The following KLHL13 variants were observed in gnomAD, a reference collection of about 807,000 sequenced individuals.
The protein encoded by KLHL13 is kelch-like protein 13.
KLHL13 carries 10 observed loss-of-function variants against 37.1 expected under a neutral mutation model. The observed-to-expected ratio is 0.27, with a 90% CI of 0.17 to 0.46. The LOEUF is 0.46. Among genes scored for constraint, KLHL13 ranks in the 20% least tolerant of loss-of-function variants. The pLI, the probability that KLHL13 is intolerant of heterozygous loss-of-function variation, is 1.00. For synonymous variants in KLHL13, 163 were observed against 181.2 expected, an observed-to-expected ratio of 0.90 and a Z score of 0.81; for missense variants, 360 against 509.3, an observed-to-expected ratio of 0.71 and a Z score of 2.82.
At chrX:117,920,457 TG>T (rs1167958802) in intron 2 of KLHL13, 87 bp from the exon 4 acceptor site, 1 of 928,997 alleles carries the variant, frequency 1.1e-6, no homozygotes, top group South Asian at 2.2e-5. Context: ...AATATTAATG[TG>T]GTGCAACATA....
chrX:118,096,255 C>T (rs2055204861), intron 1 of KLHL13, among the ~76,000 whole-genome samples: 2 of 111,202 alleles, frequency 1.8e-5, no homozygotes, highest in African/African-American at 3.3e-5. Context: ...GTATCACCAC[C>T]GATCCCACAG....
chrX:118,072,158 C>A (rs1309463002), intron 1 of KLHL13, among the ~76,000 whole-genome samples: 1 of 109,432 alleles, frequency 9.1e-6, no homozygotes, highest in African/African-American at 3.3e-5. Flanking sequence ...CACAACAGAG[C>A]CCTCAGAAAT....
At chrX:117,930,262 A>C (rs183695949) in intron 2 of KLHL13, among the ~76,000 whole-genome samples, 36 of 89,989 alleles carry the variant, frequency 4.0e-4, no homozygotes, top group African/African-American at 9.0e-4. Flanking sequence ...GGAAGGAAGG[A>C]AGGAAGGAAG....
intron 1 of KLHL13, among the ~76,000 whole-genome samples, chrX:117,994,136 G>A (rs1018407114): frequency 1.8e-5 from 2 of 111,860 alleles, no homozygotes; most frequent in African/African-American, 6.5e-5. Flanking sequence ...CATCAACCAC[G>A]AATGCCAATA....
chrX:118,078,542 G>A (rs2054953107), intron 1 of KLHL13, among the ~76,000 whole-genome samples: 1 of 111,239 alleles, frequency 9.0e-6, no homozygotes, highest in Non-Finnish European at 1.9e-5. Flanking sequence ...TCTTTTAGTT[G>A]ATTAGCATTA....
intron 1 of KLHL13, among the ~76,000 whole-genome samples, chrX:118,094,320 C>T (rs2055175162): frequency 9.1e-6 from 1 of 110,417 alleles, no homozygotes; most frequent in African/African-American, 3.3e-5. Context: ...TGAAATGAAG[C>T]AAGAAGAGAA....
intron 1 of KLHL13, among the ~76,000 whole-genome samples, chrX:117,985,931 T>A (rs2053720669): frequency 9.0e-6 from 1 of 111,075 alleles, no homozygotes; most frequent in African/African-American, 3.3e-5. Flanking sequence ...AATTTGTCAA[T>A]CCCATTCCAT....
At chrX:118,089,620 G>GAAAGAAGAA (rs773944967) in intron 1 of KLHL13, among the ~76,000 whole-genome samples, 1 of 71,907 alleles carries the variant, frequency 1.4e-5, no homozygotes, top group African/African-American at 5.8e-5. Context: ...GAGAAAGAAA[G>GAAAGAAGAA]AGAAAGAAAG....
chrX:117,958,932 C>T (rs1327499813), intron 1 of KLHL13, among the ~76,000 whole-genome samples: 1 of 111,613 alleles, frequency 9.0e-6, no homozygotes, highest in Admixed American at 9.6e-5. Context: ...ACTTTCCTTA[C>T]TATTATTTTA....
Position 117,989,335 on chromosome X carries a change from G to A in KLHL13, c.-55-43760C>T, listed in dbSNP as rs192680133. ...ATGCCTTGGCTCAAGTGACATAGCC[G>A]CTGAGAGAAGTGGAAAACAATAAGC... is the stretch of plus-strand genomic sequence containing the variant. On this transcript the variant is annotated intron_variant, in intron 1 of 6. Coordinates refer to the KLHL13 transcript ENST00000371882. 5.4e-5 allele frequency among the ~76,000 whole-genome samples: 6 copies of A among 110,727 alleles called. No individual in the cohort carries two copies. In the East Asian group the frequency reaches 1.1e-3, roughly 21 times the overall value.
At chrX:117,945,487 C>G (rs1569422620) in exon 2 of KLHL13, 1 of 1,207,282 alleles carries the variant, frequency 8.3e-7, no homozygotes, top group South Asian at 1.8e-5. Flanking sequence ...GTAGGTCCTG[C>G]CTTGGAAGAC....
intron 1 of KLHL13, among the ~76,000 whole-genome samples, chrX:118,032,809 T>C (rs1362594087): frequency 9.0e-6 from 1 of 111,361 alleles, no homozygotes; most frequent in Non-Finnish European, 1.9e-5. Context: ...AGGGAGGAAA[T>C]TCAAACCAAA....
At chrX:117,912,768 G>A (rs1246668973) in intron 4 of KLHL13, among the ~76,000 whole-genome samples, 1 of 111,051 alleles carries the variant, frequency 9.0e-6, no homozygotes, top group Non-Finnish European at 1.9e-5. Flanking sequence ...ATTTTTGTAG[G>A]CACATAGTTG....
At chrX:118,016,070 ATT>A (rs896636430) in intron 1 of KLHL13, among the ~76,000 whole-genome samples, 3 of 112,156 alleles carry the variant, frequency 2.7e-5, no homozygotes, top group East Asian at 2.8e-4. Flanking sequence ...ACCTTGTTAA[ATT>A]TGTTTTATAT....
In KLHL13 at chrX:118,029,078, G is replaced by C. The variant is rs142125247; in HGVS notation, c.-55-83503C>G. Among the ~76,000 whole-genome samples the C allele has an allele frequency of 9.2e-3, 1,030 of 111,409 alleles. 17 individuals carry two copies. The highest frequency in any genetic ancestry group is 0.031 in the African/African-American group (953 of 30,645). On this transcript the variant is annotated intron_variant, in intron 1 of 6. Coordinates refer to the KLHL13 transcript ENST00000371882. ...CTCTCCACGTTTTCAGGCATCCACT[G>C]GGGGTCTTGGAACATACCACCTGCA...
At chrX:118,075,495 G>A (rs2054920155) in intron 1 of KLHL13, among the ~76,000 whole-genome samples, 1 of 111,622 alleles carries the variant, frequency 9.0e-6, no homozygotes, top group Admixed American at 9.6e-5. Flanking sequence ...TAAGAAAAAA[G>A]AGAGAGGAAG....
intron 1 of KLHL13, among the ~76,000 whole-genome samples, chrX:118,103,757 T>C (rs1434393979): frequency 9.0e-6 from 1 of 110,755 alleles, no homozygotes; most frequent in Non-Finnish European, 1.9e-5. Context: ...ACAGAGATAT[T>C]TGGTTTGGTA....
At chrX:118,033,741 T>C (rs1481146664) in intron 1 of KLHL13, among the ~76,000 whole-genome samples, 1 of 109,619 alleles carries the variant, frequency 9.1e-6, no homozygotes, top group African/African-American at 3.3e-5. Flanking sequence ...CACATAACAA[T>C]ATTAACCTTA....
intron 1 of KLHL13, among the ~76,000 whole-genome samples, chrX:117,964,730 A>C (rs1177974676): frequency 2.7e-5 from 3 of 110,521 alleles, no homozygotes; most frequent in South Asian, 3.9e-4. Context: ...AATGCTATCC[A>C]TCCCCCCTTC....
Sources: allele counts gnomAD v4.1 joint callset (sites outside exome capture counted in the v4.1 genomes callset), GRCh38; gene constraint gnomAD v4.1.1; transcripts MANE v1.5; gene names NCBI Gene and HGNC (gene_info 2026-07-23, HGNC 2026-07-21).